SETDB2: variants seen among roughly 807,000 people sequenced by gnomAD.
SETDB2 encodes histone-lysine N-methyltransferase SETDB2.
A neutral mutation model predicts 82.5 loss-of-function variants in SETDB2; 56 were observed. The observed-to-expected ratio is 0.68, with a 90% CI of 0.55 to 0.85. The LOEUF (loss-of-function observed/expected upper bound fraction) is 0.85. Ranked by LOEUF, SETDB2 falls within the 40% of genes least tolerant of loss-of-function variation. SETDB2 has a pLI of 0.00. For missense variants in SETDB2, 677 were observed against 816.4 expected (o/e 0.83, Z 2.08); for synonymous variants, 272 against 284.9 (o/e 0.95, Z 0.46).
At position 49,488,312 on chromosome 13, in the gene SETDB2, T is replaced by C. The variant is rs756148847; in HGVS notation, c.1599T>C (p.Val533=). 5 of 1,592,076 alleles carry C rather than the reference T, an allele frequency of 3.1e-6. No individual in the cohort carries two copies. The East Asian group carries it at 1.1e-4, about 36-fold the overall frequency. Residue 533 remains valine (V), a synonymous_variant, in exon 12 of 14, where the codon GTT becomes GTC. Transcript: ENST00000611815. ...GAQKDSSSNH[V]DEFEDNLLIE... ...TAGAGGACTCAAGTTCAAACCATGTTGATGAGTTTGAAGATAATCTGCTGA... is the reference window on the plus strand; with the variant it reads ...TAGAGGACTCAAGTTCAAACCATGTCGATGAGTTTGAAGATAATCTGCTGA...
chr13:49,453,152 A>G (rs976514790), intron 2 of SETDB2, among the ~76,000 whole-genome samples: 15 of 151,898 alleles, frequency 9.9e-5, no homozygotes, highest in African/African-American at 2.9e-4. Context: ...TTCCCTGTTT[A>G]TTTATTCAGT....
At chr13:49,448,981 T>C (rs1331473061) in intron 1 of SETDB2, among the ~76,000 whole-genome samples, 3 of 152,248 alleles carry the variant, frequency 2.0e-5, no homozygotes, top group South Asian at 2.1e-4. Flanking sequence ...GTGTCTTTTA[T>C]TGATTTTCAT....
At chr13:49,481,650 TAC>T (rs1175968559) in intron 8 of SETDB2, among the ~76,000 whole-genome samples, 1 of 152,224 alleles carries the variant, frequency 6.6e-6, no homozygotes, top group African/African-American at 2.4e-5. Flanking sequence ...AGCAGTGTGT[TAC>T]AGTCATGCAA....
At position 49,451,562 on chromosome 13, in the gene SETDB2, T is replaced by G. The variant is rs998659387; in HGVS notation, c.-332T>G. 4 of 158,624 alleles carry G rather than the reference T, an allele frequency of 2.5e-5. No individual in the cohort carries two copies. Among genetic ancestry groups the G allele is most frequent in the African/African-American group, 9.6e-5 (4 of 41,484 alleles). 9.8% of individuals were successfully genotyped at this position (158,624 alleles called of 1,614,324 possible). A position where few individuals can be genotyped will look rare whatever the true frequency, so the allele number is the denominator to read the frequency against. On this transcript the variant is annotated 5_prime_UTR_variant, in exon 2 of 14. Coordinates refer to ENST00000611815, the MANE Select transcript of SETDB2 (RefSeq NM_001160308.3). The stretch of plus-strand genomic sequence containing the variant: ...ATTGTTTTCCTTACAGAATGTTTCA[T>G]CCATTTGTGGACCAAAAGATGGAGT...
rs3039228 is a variant in SETDB2 at position 49,466,811 on chromosome 13, C to CTTTT, written c.209-1036_209-1033dup. Among the ~76,000 whole-genome samples, 538 of 116,750 alleles carry CTTTT rather than the reference C, an allele frequency of 4.6e-3. 5 individuals carry two copies. Among genetic ancestry groups the CTTTT allele is most frequent in the Non-Finnish European group, 6.2e-3 (367 of 59,184 alleles). 76.6% of individuals were successfully genotyped at this position (116,750 alleles called of 152,430 possible). A position where few individuals can be genotyped will look rare whatever the true frequency, so the allele number is the denominator to read the frequency against. ...GGCATGCGCCACCATGCCTGGCTAA[C>CTTTT]TTTTTTTTTTTTTTTTTTTTCTGTC... On this transcript the variant is annotated intron_variant, in intron 4 of 13. Coordinates refer to ENST00000611815, the MANE Select transcript of SETDB2 (RefSeq NM_001160308.3).
At chr13:49,484,237 A>T (rs1375861374) in intron 10 of SETDB2, among the ~76,000 whole-genome samples, 1 of 152,052 alleles carries the variant, frequency 6.6e-6, no homozygotes, top group African/African-American at 2.4e-5. Flanking sequence ...GGGACAAAGT[A>T]ATTTAGGTGA....
chr13:49,471,368 A>G (rs1485073773), intron 5 of SETDB2, among the ~76,000 whole-genome samples: 1 of 151,690 alleles, frequency 6.6e-6, no homozygotes, highest in Non-Finnish European at 1.5e-5. Flanking sequence ...TACTTCAGTG[A>G]TAATTCTTTT....
intron 6 of SETDB2, among the ~76,000 whole-genome samples, chr13:49,479,448 T>TGAGC (rs1187333236): frequency 6.6e-6 from 1 of 152,240 alleles, no homozygotes; most frequent in African/African-American, 2.4e-5. Flanking sequence ...TGTTGATTGT[T>TGAGC]GTCGTTGTTC....
intron 8 of SETDB2, among the ~76,000 whole-genome samples, chr13:49,481,524 T>C (rs573138521): frequency 6.6e-6 from 1 of 152,344 alleles, no homozygotes; most frequent in Non-Finnish European, 1.5e-5. Context: ...ATTATTAGAA[T>C]TTAACAAGTT....
intron 4 of SETDB2, among the ~76,000 whole-genome samples, chr13:49,461,738 C>T (rs949905441): frequency 6.6e-6 from 1 of 152,162 alleles, no homozygotes; most frequent in African/African-American, 2.4e-5. Flanking sequence ...TCAGTTCTGA[C>T]ACTACTACCC....
chr13:49,482,728 T>A lies in SETDB2; in HGVS notation c.1157-9T>A. The stretch of plus-strand genomic sequence containing the variant: ...GTGTTGTTCAAACTCTTTAACATTT[T>A]CCTTTTAGGAAGATTACTAAGCAGA... On this transcript the variant is annotated splice_polypyrimidine_tract_variant and intron_variant, in intron 8 of 13. Coordinates refer to ENST00000611815, the MANE Select transcript of SETDB2 (RefSeq NM_001160308.3). 1 of 1,570,344 alleles carries A rather than the reference T, an allele frequency of 6.4e-7. No homozygotes were observed. The highest frequency in any genetic ancestry group is 8.7e-7 in the Non-Finnish European group (1 of 1,145,104).
At chr13:49,451,939 A>T in intron 2 of SETDB2, 30 bp downstream of exon 2, 3 of 1,530,538 alleles carry the variant, frequency 2.0e-6, no homozygotes, top group Non-Finnish European at 2.7e-6. Flanking sequence ...GTTACACTTT[A>T]TATCTAAAAG....
At position 49,461,130 on chromosome 13, in the gene SETDB2, C is replaced by A; in HGVS notation, c.176C>A (p.Ala59Glu). ...YIQAMILVNE[A>E]TIINSSTSIK... ...CAAGCAATGATTCTAGTGAATGAAG[C>A]AACTATAATTAACAGTTCAACATCA... The change falls in exon 4 of 14, where the codon GCA becomes GAA. Residue 59 changes from alanine to glutamate, a missense_variant. Around this residue, in one of 3 missense-constraint regions of SETDB2, gnomAD observed 243 missense variants for 237.2 expected, o/e 1.02. Transcript: ENST00000611815. 6.2e-7 allele frequency: 1 copy of A among 1,611,054 alleles called. No homozygotes were observed. The highest frequency in any genetic ancestry group is 8.5e-7 in the Non-Finnish European group (1 of 1,177,720).
chr13:49,444,889 G>A (rs1957628175), intron 1 of SETDB2, 32 bp downstream of exon 1: 1 of 152,244 alleles, frequency 6.6e-6, no homozygotes, highest in Admixed American at 6.5e-5. Flanking sequence ...AATACAGCAA[G>A]TTCAGTCATT....
rs1261645183 is a variant in SETDB2 at position 49,492,353 on chromosome 13, A to G, written c.*504A>G. 12 of 159,082 alleles carry G rather than the reference A, an allele frequency of 7.5e-5. No individual in the cohort carries two copies. The East Asian group carries it at 2.2e-3, about 29-fold the overall frequency. The allele number at this position is 159,082 out of a possible 1,614,324, so 9.9% of individuals were successfully genotyped here. A position where few individuals can be genotyped will look rare whatever the true frequency, so the allele number is the denominator to read the frequency against. On this transcript the variant is annotated 3_prime_UTR_variant, in exon 14 of 14. Transcript: ENST00000611815. ...AATTTTATGCATATTACTCCCAAGT[A>G]TTTTAACACTTGTTGGAGAAGCAAT... is the stretch of plus-strand genomic sequence containing the variant.
At chr13:49,456,302 A>G (rs886701267) in intron 2 of SETDB2, among the ~76,000 whole-genome samples, 1 of 152,162 alleles carries the variant, frequency 6.6e-6, no homozygotes, top group Non-Finnish European at 1.5e-5. Context: ...AATTCAGATC[A>G]GTATTATTCA....
chr13:49,489,914 C>CA (rs1958675658), intron 12 of SETDB2, among the ~76,000 whole-genome samples: 1 of 47,506 alleles, frequency 2.1e-5, no homozygotes, highest in Non-Finnish European at 6.7e-5. Context: ...CCCGCCCCCC[C>CA]CCCCTTTTTT....
chr13:49,464,665 T>C (rs1192959613), intron 4 of SETDB2, among the ~76,000 whole-genome samples: 1 of 152,102 alleles, frequency 6.6e-6, no homozygotes, highest in African/African-American at 2.4e-5. Context: ...AAGATAAGAG[T>C]ATATTTATTT....
intron 4 of SETDB2, among the ~76,000 whole-genome samples, chr13:49,462,520 C>A (rs111419087): frequency 6.6e-6 from 1 of 152,222 alleles, no homozygotes; most frequent in African/African-American, 2.4e-5. Flanking sequence ...AGGGCAGAAA[C>A]CAAATATGTA....
Sources: allele counts gnomAD v4.1 joint callset (sites outside exome capture counted in the v4.1 genomes callset), GRCh38; gene constraint gnomAD v4.1.1; regional missense constraint gnomAD v4.1.1; transcripts MANE v1.5; gene names NCBI Gene and HGNC (gene_info 2026-07-23, HGNC 2026-07-21).